NELL2: variants seen among roughly 807,000 people sequenced by gnomAD.
NELL2 encodes the protein protein kinase C-binding protein NELL2.
In NELL2, 41 loss-of-function variants were observed where a neutral mutation model predicts 109.6. The ratio of observed to expected loss-of-function variants is 0.37; its 90% CI spans 0.29 to 0.49. The LOEUF is 0.49. Among genes scored for constraint, NELL2 ranks in the 20% least tolerant of loss-of-function variants. The probability of loss-of-function intolerance (pLI) is 0.98; values close to 1 mark genes in which losing one functional copy is unlikely to be tolerated. For missense variants in NELL2, 900 were observed against 1,008.3 expected (o/e 0.89, Z 1.45); for synonymous variants, 355 against 344.7 (o/e 1.03, Z -0.33).
intron 13 of NELL2, among the ~76,000 whole-genome samples, chr12:44,661,440 T>C (rs1947740314): frequency 6.6e-6 from 1 of 152,216 alleles, no homozygotes; most frequent in Admixed American, 6.5e-5. Context: ...CAGTCCTCAG[T>C]TGAATTCTTT....
chr12:44,574,395 G>A (rs1179407357), intron 15 of NELL2, among the ~76,000 whole-genome samples: 1 of 152,112 alleles, frequency 6.6e-6, no homozygotes, highest in Non-Finnish European at 1.5e-5. Context: ...ATCTGGTGGG[G>A]TAATATGTTC....
At chr12:44,575,513 T>C (rs1944040363) in intron 15 of NELL2, among the ~76,000 whole-genome samples, 1 of 152,242 alleles carries the variant, frequency 6.6e-6, no homozygotes, top group Non-Finnish European at 1.5e-5. Context: ...TAAAATATTA[T>C]AAGATGAAGT....
At chr12:44,856,470 A>T (rs910608950) in intron 2 of NELL2, among the ~76,000 whole-genome samples, 1 of 152,240 alleles carries the variant, frequency 6.6e-6, no homozygotes, top group Non-Finnish European at 1.5e-5. Context: ...GGTAAAAGAC[A>T]AGTTGAAATT....
intron 3 of NELL2, among the ~76,000 whole-genome samples, chr12:44,813,958 CT>C (rs1007566547): frequency 1.3e-5 from 2 of 152,110 alleles, no homozygotes; most frequent in African/African-American, 4.8e-5. Flanking sequence ...GTTTCAGTTG[CT>C]TAAAAAAACA....
At chr12:44,841,112 C>T (rs1367783197) in intron 2 of NELL2, among the ~76,000 whole-genome samples, 4 of 152,292 alleles carry the variant, frequency 2.6e-5, no homozygotes, top group East Asian at 1.9e-4. Context: ...CTTGTACACT[C>T]GGCAATATCT....
chr12:44,717,914 G>A (rs946518355), intron 9 of NELL2, among the ~76,000 whole-genome samples: 12 of 152,120 alleles, frequency 7.9e-5, no homozygotes, highest in Non-Finnish European at 1.3e-4. Context: ...GGGGGACAGA[G>A]GACAAAGAAT....
chr12:44,568,041 T>C (rs1943725226), intron 15 of NELL2, among the ~76,000 whole-genome samples: 1 of 152,044 alleles, frequency 6.6e-6, no homozygotes, highest in African/African-American at 2.4e-5. Context: ...ATATTAAATA[T>C]TTATAAAAGT....
rs7971834 is a variant in NELL2 at position 44,868,075 on chromosome 12, T to A, written c.184+7150A>T. On this transcript the variant is annotated intron_variant, in intron 2 of 19. Coordinates refer to ENST00000429094, the MANE Select transcript of NELL2 (RefSeq NM_001145108.2). ...GCAGAGGTTGCAGTGAGCCTAGATC[T>A]CACCACTGCTCTCCAGCCTAGGTGA... is the stretch of plus-strand genomic sequence containing the variant. Among the ~76,000 whole-genome samples, 3 of 131,236 alleles carry A rather than the reference T, an allele frequency of 2.3e-5. No homozygotes were observed. The East Asian group carries it at 6.9e-4, about 30-fold the overall frequency. 86.1% of individuals were successfully genotyped at this position (131,236 alleles called of 152,430 possible). A position where few individuals can be genotyped will look rare whatever the true frequency, so the allele number is the denominator to read the frequency against.
intron 15 of NELL2, among the ~76,000 whole-genome samples, chr12:44,566,533 TCACA>T (rs3071958): frequency 0.31 from 45,459 of 148,588 alleles, 8,196 homozygotes; most frequent in East Asian, 0.63. Flanking sequence ...TTACACATAC[TCACA>T]CACACACACA....
intron 13 of NELL2, among the ~76,000 whole-genome samples, chr12:44,652,556 T>C (rs1947340383): frequency 6.6e-6 from 1 of 152,208 alleles, no homozygotes; most frequent in Non-Finnish European, 1.5e-5. Flanking sequence ...TAACTCTCTC[T>C]ACAAACACCA....
upstream of NELL2, among the ~76,000 whole-genome samples, chr12:44,877,506 C>T (rs368857182): frequency 6.6e-6 from 1 of 152,170 alleles, no homozygotes; most frequent in Admixed American, 6.5e-5. Flanking sequence ...TCCATGCAAA[C>T]ATGTGGGTAC....
intron 1 of NELL2, among the ~76,000 whole-genome samples, chr12:44,912,288 T>C (rs1428439423): frequency 6.6e-6 from 1 of 152,076 alleles, no homozygotes; most frequent in East Asian, 1.9e-4. Flanking sequence ...TATAAAGTAG[T>C]TACTTGCCAA....
At chr12:44,799,982 A>T (rs1363735384) in intron 3 of NELL2, among the ~76,000 whole-genome samples, 1 of 152,212 alleles carries the variant, frequency 6.6e-6, no homozygotes, top group Non-Finnish European at 1.5e-5. Flanking sequence ...GTTCAAAAAT[A>T]TAGAAATTGA....
intron 1 of NELL2, among the ~76,000 whole-genome samples, chr12:44,903,419 A>T (rs944624679): frequency 6.6e-6 from 1 of 152,180 alleles, no homozygotes; most frequent in Non-Finnish European, 1.5e-5. Context: ...GGGAAATAAG[A>T]ATGCTTTTAC....
chr12:44,640,049 A>G (rs1371907157), intron 13 of NELL2, among the ~76,000 whole-genome samples: 1 of 152,140 alleles, frequency 6.6e-6, no homozygotes, highest in Non-Finnish European at 1.5e-5. Flanking sequence ...CTAATTTTCA[A>G]ATAAAACTGT....
chr12:44,585,545 T>C (rs1944463079), intron 15 of NELL2, among the ~76,000 whole-genome samples: 1 of 152,152 alleles, frequency 6.6e-6, no homozygotes, highest in Non-Finnish European at 1.5e-5. Context: ...TATATTATGA[T>C]ATATTTGCAT....
At chr12:44,787,376 C>T (rs1011364529) in intron 3 of NELL2, among the ~76,000 whole-genome samples, 20 of 151,918 alleles carry the variant, frequency 1.3e-4, no homozygotes, top group African/African-American at 4.8e-4. Flanking sequence ...AATATAATTC[C>T]TATAAAAATA....
intron 13 of NELL2, among the ~76,000 whole-genome samples, chr12:44,645,588 C>T (rs534119098): frequency 5.3e-5 from 8 of 152,222 alleles, no homozygotes; most frequent in African/African-American, 1.7e-4. Flanking sequence ...TTTTAAATCC[C>T]AATTTGCTCC....
chr12:44,771,787 C>A (rs1254491764), intron 9 of NELL2, among the ~76,000 whole-genome samples: 1 of 152,172 alleles, frequency 6.6e-6, no homozygotes, highest in Non-Finnish European at 1.5e-5. Context: ...AGATAACGAG[C>A]TGGAGTTGAA....
Sources: allele counts gnomAD v4.1 joint callset (sites outside exome capture counted in the v4.1 genomes callset), GRCh38; gene constraint gnomAD v4.1.1; transcripts MANE v1.5; gene names NCBI Gene and HGNC (gene_info 2026-07-23, HGNC 2026-07-21).